The following MAN1C1 variants were observed in gnomAD, a reference collection of about 807,000 sequenced individuals.
MAN1C1 encodes mannosidase alpha class 1C member 1.
MAN1C1 carries 49 observed loss-of-function variants against 71.5 expected under a neutral mutation model. That is an observed-to-expected ratio of 0.69 (90% CI 0.54 to 0.87). The LOEUF is 0.87. Among genes scored for constraint, MAN1C1 ranks in the 40% least tolerant of loss-of-function variants. MAN1C1 has a pLI of 0.00. For synonymous variants in MAN1C1, 352 were observed against 343.7 expected (o/e 1.02, Z -0.27); for missense variants, 743 against 835.0 (o/e 0.89, Z 1.36).
At chr1:25,641,621 G>A (rs557325055) in intron 1 of MAN1C1, among the ~76,000 whole-genome samples, 15 of 152,314 alleles carry the variant, frequency 9.8e-5, no homozygotes, top group South Asian at 6.2e-4. Flanking sequence ...AATTTAATTG[G>A]TCTTGGGTGT....
rs1197212395 is a variant in MAN1C1, at chr1:25,782,343, G to A, written c.1651-242G>A. ...AAGAGCTCAGGACAGGCAGCCCATC[G>A]GGCCAGAGCTCTCAGAGGTGTGGGT... On this transcript the variant is annotated intron_variant, in intron 10 of 11. Coordinates refer to ENST00000374332, the MANE Select transcript of MAN1C1 (RefSeq NM_020379.4). This position sits in a 1 kb window ranked among gnomAD's most constrained non-coding sequence, Gnocchi z 4.4. 1.3e-5 allele frequency among the ~76,000 whole-genome samples: 2 copies of A among 151,644 alleles called. No homozygotes were observed. Among genetic ancestry groups the A allele is most frequent in the Admixed American group, 6.6e-5 (1 of 15,240 alleles).
At chr1:25,649,442 G>A (rs935633731) in intron 1 of MAN1C1, among the ~76,000 whole-genome samples, 1 of 152,234 alleles carries the variant, frequency 6.6e-6, no homozygotes, top group African/African-American at 2.4e-5. Flanking sequence ...TCCCGGCTCA[G>A]GCTCAGGTTG....
chr1:25,663,603 CG>C (rs1557754953), intron 1 of MAN1C1, among the ~76,000 whole-genome samples: 1 of 152,068 alleles, frequency 6.6e-6, no homozygotes, highest in Admixed American at 6.5e-5. Flanking sequence ...ACTGAAACTG[CG>C]GAAAGTGAAA....
chr1:25,657,008 G>A (rs868844604), intron 1 of MAN1C1, among the ~76,000 whole-genome samples: 3 of 152,014 alleles, frequency 2.0e-5, no homozygotes, highest in Non-Finnish European at 2.9e-5. Context: ...TGTATTTTTC[G>A]TAGAGACGGG....
intron 8 of MAN1C1, among the ~76,000 whole-genome samples, chr1:25,773,553 G>T (rs1172301263): frequency 6.6e-6 from 1 of 152,226 alleles, no homozygotes; most frequent in East Asian, 1.9e-4. Context: ...TCAGACCAGA[G>T]CCCCGGTCAG....
At chr1:25,660,271 C>T (rs2045826663) in intron 1 of MAN1C1, among the ~76,000 whole-genome samples, 1 of 151,882 alleles carries the variant, frequency 6.6e-6, no homozygotes, top group South Asian at 2.1e-4. Flanking sequence ...CGTGGTGGCA[C>T]ATGCCTGTAA....
chr1:25,636,726 A>G (rs2045466610), intron 1 of MAN1C1, among the ~76,000 whole-genome samples: 1 of 152,262 alleles, frequency 6.6e-6, no homozygotes, highest in South Asian at 2.1e-4. Context: ...TAACGGGATT[A>G]AGAGATTAAA....
intron 2 of MAN1C1, among the ~76,000 whole-genome samples, chr1:25,732,932 CGT>C (rs2046928896): frequency 6.6e-6 from 1 of 152,138 alleles, no homozygotes; most frequent in Non-Finnish European, 1.5e-5. Flanking sequence ...GTCCACAGGC[CGT>C]GTTTGCCATG....
rs1291763549 is a variant in MAN1C1 at position 25,617,701 on chromosome 1, C to G, written c.-97C>G. On this transcript the variant is annotated 5_prime_UTR_variant, in exon 1 of 12. Transcript: ENST00000374332. This position sits in a 1 kb window ranked among gnomAD's most constrained non-coding sequence, Gnocchi z 5.1. ...GGTTGGCAACCCTGCCCAGGGACCC[C>G]CATCCCGGGCGGCGCTCCGGACGCC... is the stretch of plus-strand genomic sequence containing the variant. 5.0e-6 allele frequency: 6 copies of G among 1,204,810 alleles called. No individual in the cohort carries two copies. The highest frequency in any genetic ancestry group is 5.8e-5 in the Admixed American group (2 of 34,696). 74.6% of individuals were successfully genotyped at this position (1,204,810 alleles called of 1,614,324 possible).
intron 1 of MAN1C1, among the ~76,000 whole-genome samples, chr1:25,635,447 T>C (rs2045443949): frequency 1.3e-5 from 2 of 150,042 alleles, no homozygotes; most frequent in South Asian, 4.2e-4. Context: ...TCTTTTTTTT[T>C]TTTTTTTTAT....
At chr1:25,780,802 C>A (rs903799972) in intron 9 of MAN1C1, 138 bp from the exon 10 acceptor site, 3 of 835,288 alleles carry the variant, frequency 3.6e-6, no homozygotes, top group African/African-American at 3.4e-5. Context: ...CACAGCAGTC[C>A]AGGCAGGGGC....
At chr1:25,695,800 G>T (rs376027781) in intron 2 of MAN1C1, among the ~76,000 whole-genome samples, 2 of 152,224 alleles carry the variant, frequency 1.3e-5, no homozygotes, top group South Asian at 2.1e-4. Context: ...CCTTGGGTTC[G>T]TGTCCCCGCT....
Position 25,711,652 on chromosome 1 carries a change from C to T in MAN1C1, c.637+25116C>T, listed in dbSNP as rs1226976724. Among the ~76,000 whole-genome samples, 1 of 150,934 alleles carries T rather than the reference C, an allele frequency of 6.6e-6. No homozygotes were observed. Among genetic ancestry groups the T allele is most frequent in the African/African-American group, 2.4e-5 (1 of 41,062 alleles). On this transcript the variant is annotated intron_variant, in intron 2 of 11. Coordinates refer to ENST00000374332, the MANE Select transcript of MAN1C1 (RefSeq NM_020379.4). This position sits in a 1 kb window ranked among gnomAD's most constrained non-coding sequence, Gnocchi z 4.3. ...GGCCCTGCTCCCTGCGGCCCCGCCC[C>T]TCCTCCCTGCGGCCCCGCCCCTCCC...
intron 2 of MAN1C1, among the ~76,000 whole-genome samples, chr1:25,687,884 T>A (rs1006373236): frequency 2.6e-5 from 4 of 152,270 alleles, no homozygotes; most frequent in African/African-American, 9.6e-5. Flanking sequence ...TTGACATCTT[T>A]GCTTATTCTC....
At chr1:25,758,909 A>G in intron 6 of MAN1C1, 200 bp downstream of exon 6, 1 of 579,936 alleles carries the variant, frequency 1.7e-6, no homozygotes, top group East Asian at 2.9e-5. Context: ...GTGAGCACGC[A>G]GAGTCAATAA....
rs2046383008 is a variant in MAN1C1 at position 25,697,370 on chromosome 1, C to G, written c.637+10834C>G. Among the ~76,000 whole-genome samples, 2 of 152,228 alleles carry G rather than the reference C, an allele frequency of 1.3e-5. 1 individual carries two copies. Among genetic ancestry groups the G allele is most frequent in the South Asian group, 4.1e-4 (2 of 4,834 alleles). On this transcript the variant is annotated intron_variant, in intron 2 of 11. Coordinates refer to ENST00000374332, the MANE Select transcript of MAN1C1 (RefSeq NM_020379.4). The stretch of plus-strand genomic sequence containing the variant: ...CACATTGTAGCATGTATTATCAGTA[C>G]TTCATTCCTAGTGTTATTTGGAATT...
chr1:25,641,014 C>T (rs2045529471), intron 1 of MAN1C1, among the ~76,000 whole-genome samples: 1 of 152,158 alleles, frequency 6.6e-6, no homozygotes, highest in South Asian at 2.1e-4. Flanking sequence ...TTTGTGAGCT[C>T]TGGAACTCGA....
intron 2 of MAN1C1, among the ~76,000 whole-genome samples, chr1:25,692,475 A>C (rs887956376): frequency 1.3e-5 from 2 of 152,094 alleles, no homozygotes; most frequent in Non-Finnish European, 2.9e-5. Flanking sequence ...GATCCTCTCA[A>C]AGTGCTAGGA....
At chr1:25,773,966 C>T (rs549073089) in intron 8 of MAN1C1, among the ~76,000 whole-genome samples, 2 of 152,302 alleles carry the variant, frequency 1.3e-5, no homozygotes, top group East Asian at 3.9e-4. Context: ...CTCAGAACCT[C>T]TGGGCACTGG....
Sources: allele counts gnomAD v4.1 joint callset (sites outside exome capture counted in the v4.1 genomes callset), GRCh38; gene constraint gnomAD v4.1.1; non-coding constraint Gnocchi (gnomAD v3.1); transcripts MANE v1.5; gene names NCBI Gene and HGNC (gene_info 2026-07-23, HGNC 2026-07-21).